PALMD: variants seen among roughly 807,000 people sequenced by gnomAD.
PALMD encodes the protein paralemmin-like protein.
A neutral mutation model predicts 56.2 loss-of-function variants in PALMD; 42 were observed. That is an observed-to-expected ratio of 0.75 (90% CI 0.58 to 0.97). The LOEUF (loss-of-function observed/expected upper bound fraction) is 0.97, where lower values mean the gene tolerates loss of function less well. Ranked by LOEUF, PALMD falls within the 50% of genes least tolerant of loss-of-function variation. The pLI, the probability that PALMD is intolerant of heterozygous loss-of-function variation, is 0.00. For synonymous variants in PALMD, 242 were observed against 222.9 expected, an observed-to-expected ratio of 1.09 and a Z score of -0.76; for missense variants, 660 against 643.8, an observed-to-expected ratio of 1.03 and a Z score of -0.27.
intron 1 of PALMD, among the ~76,000 whole-genome samples, chr1:99,652,690 G>GA (rs1449703854): frequency 0.014 from 1,277 of 90,354 alleles, 6 homozygotes; most frequent in African/African-American, 0.022. Flanking sequence ...GAAAGGAAAG[G>GA]AAAGGAAAAG....
intron 1 of PALMD, among the ~76,000 whole-genome samples, 156 bp from the exon 2 acceptor site, chr1:99,662,163 G>T (rs183073858): frequency 2.6e-5 from 4 of 152,142 alleles, no homozygotes; most frequent in Admixed American, 2.6e-4. Context: ...GTCTCACTTC[G>T]CTCTCCTTTG....
At position 99,667,620 on chromosome 1, in the gene PALMD, T is replaced by C. The variant is rs11811272; in HGVS notation, c.127-22T>C. ...AATTATTGACCAATATAAGAACATATCTTTATGTTTCCTGACATCAGAAAA... is the reference window on the plus strand; with the variant it reads ...AATTATTGACCAATATAAGAACATACCTTTATGTTTCCTGACATCAGAAAA... On this transcript the variant is annotated intron_variant, in intron 2 of 7. Coordinates refer to ENST00000263174, the MANE Select transcript of PALMD (RefSeq NM_017734.5). 3.5e-3 allele frequency: 5,626 copies of C among 1,604,980 alleles called. 158 individuals are homozygous for C. In the African/African-American group the frequency reaches 0.064, roughly 18 times the overall value.
chr1:99,683,135 AAAGAAAGAAAGAAAGAAAGAAAGAAAG>A (rs1653406796), intron 3 of PALMD: 1 of 126,568 alleles, frequency 7.9e-6, no homozygotes, highest in African/African-American at 3.9e-5. Context: ...AGAAAGAAAG[AAAGAAAGAAAGAAAGAAAGAAAGAAAG>A]AAAGAAACGA....
At chr1:99,678,396 C>G (rs140454363) in intron 3 of PALMD, among the ~76,000 whole-genome samples, 2 of 152,200 alleles carry the variant, frequency 1.3e-5, no homozygotes, top group African/African-American at 4.8e-5. Flanking sequence ...TAAGCCACCA[C>G]GCCTGGCCCA....
chr1:99,678,030 T>G (rs1168195365), intron 3 of PALMD, among the ~76,000 whole-genome samples: 1 of 152,094 alleles, frequency 6.6e-6, no homozygotes, highest in Non-Finnish European at 1.5e-5. Flanking sequence ...ACCTGCTAGA[T>G]TTTTGTCTTC....
intron 3 of PALMD, chr1:99,685,231 G>GTT (rs1653458511): frequency 6.6e-6 from 1 of 152,166 alleles, no homozygotes; most frequent in South Asian, 2.1e-4. Context: ...ACAAAACAGA[G>GTT]TTTCAGAGAG....
chr1:99,680,960 C>T (rs1207731531), intron 3 of PALMD, among the ~76,000 whole-genome samples: 1 of 151,908 alleles, frequency 6.6e-6, no homozygotes, highest in Non-Finnish European at 1.5e-5. Flanking sequence ...GGATTGGAGA[C>T]ATTATCTCAT....
In PALMD at chr1:99,689,804, G is replaced by A. The variant is rs560950311; in HGVS notation, c.1544G>A (p.Ser515Asn). The A allele has an allele frequency of 8.7e-6, 14 of 1,613,488 alleles. No individual in the cohort carries two copies. The South Asian group carries it at 1.4e-4, about 16-fold the overall frequency. Residue 515 changes from serine to asparagine, a missense_variant, in exon 7 of 8, where the codon AGC becomes AAC. Ser to Asn is a conservative substitution (Grantham distance 46, BLOSUM62 1). Transcript: ENST00000263174. ...SLKEQEESLG[S>N]PVHHSPFDAQ... is the part of the protein sequence containing the mutation. ...AAAGAGCAAGAAGAAAGCTTAGGCA[G>A]CCCTGTCCACCATTCCCCATTTGAT...
At chr1:99,672,851 G>A (rs900683497) in intron 3 of PALMD, among the ~76,000 whole-genome samples, 1 of 152,076 alleles carries the variant, frequency 6.6e-6, no homozygotes, top group African/African-American at 2.4e-5. Context: ...ATGTTCTCTA[G>A]CACGGATTTT....
intron 3 of PALMD, chr1:99,683,815 G>A (rs1653425146): frequency 6.6e-6 from 1 of 152,298 alleles, no homozygotes; most frequent in Non-Finnish European, 1.5e-5. Flanking sequence ...CCTCCTCTCT[G>A]ACTTCATTTC....
At chr1:99,678,313 C>T (rs1271593135) in intron 3 of PALMD, among the ~76,000 whole-genome samples, 4 of 151,924 alleles carry the variant, frequency 2.6e-5, no homozygotes, top group African/African-American at 4.8e-5. Flanking sequence ...CCATGTTGGC[C>T]GGGCTGGTCT....
intron 3 of PALMD, among the ~76,000 whole-genome samples, chr1:99,671,737 G>A (rs555775933): frequency 1.3e-5 from 2 of 152,016 alleles, no homozygotes; most frequent in Non-Finnish European, 1.5e-5. Flanking sequence ...CATTTGCTGT[G>A]GACCAGGCAT....
chr1:99,667,944 T>TCTCGG (rs1442900371), intron 3 of PALMD, 178 bp downstream of exon 3: 1 of 553,104 alleles, frequency 1.8e-6, no homozygotes, highest in African/African-American at 1.9e-5. Flanking sequence ...AGTGACATGA[T>TCTCGG]CTCGGCTCAC....
In PALMD at chr1:99,689,830, G is replaced by A. The variant is rs142803344; in HGVS notation, c.1570G>A (p.Ala524Thr). The change falls in exon 7 of 8, where the codon GCT becomes ACT. Residue 524 changes from alanine to threonine, a missense_variant. Ala to Thr is a moderately conservative substitution (Grantham distance 58, BLOSUM62 0). Coordinates refer to ENST00000263174, the MANE Select transcript of PALMD (RefSeq NM_017734.5). ...CCCTGTCCACCATTCCCCATTTGAT[G>A]CTCAGACAACTGGAGATGGGACTGA... ...GSPVHHSPFD[A>T]QTTGDGTEDP... 242 of 1,612,146 alleles carry A rather than the reference G, an allele frequency of 1.5e-4. No homozygotes were observed. The highest frequency in any genetic ancestry group is 1.9e-4 in the Non-Finnish European group (228 of 1,179,606).
intron 1 of PALMD, among the ~76,000 whole-genome samples, chr1:99,654,329 T>C (rs1652664125): frequency 6.6e-6 from 1 of 151,922 alleles, no homozygotes; most frequent in Non-Finnish European, 1.5e-5. Context: ...TTAATAGCTA[T>C]AATATTAAAT....
intron 7 of PALMD, among the ~76,000 whole-genome samples, chr1:99,693,248 G>T (rs1346394474): frequency 1.3e-5 from 2 of 152,210 alleles, no homozygotes; most frequent in African/African-American, 4.8e-5. Context: ...ATAATCTTTA[G>T]ATCAGTGCCT....
At chr1:99,684,943 A>C (rs11166295) in intron 3 of PALMD, 12,296 of 152,264 alleles carry the variant, frequency 0.081, 1,076 homozygotes, top group African/African-American at 0.22. Context: ...GAGCTGCTTG[A>C]AGCAATGATT....
chr1:99,654,264 A>G (rs1038607919), intron 1 of PALMD, among the ~76,000 whole-genome samples: 3 of 152,094 alleles, frequency 2.0e-5, no homozygotes, highest in Admixed American at 2.0e-4. Context: ...AAAAAGCAGT[A>G]GCTTTCTGAA....
chr1:99,658,109 T>A (rs1195176526), intron 1 of PALMD, among the ~76,000 whole-genome samples: 1 of 151,868 alleles, frequency 6.6e-6, no homozygotes, highest in Non-Finnish European at 1.5e-5. Flanking sequence ...AAGATCAGCC[T>A]GGCCAACATG....
Sources: allele counts gnomAD v4.1 joint callset (sites outside exome capture counted in the v4.1 genomes callset), GRCh38; gene constraint gnomAD v4.1.1; transcripts MANE v1.5; gene names NCBI Gene and HGNC (gene_info 2026-07-23, HGNC 2026-07-21).